The following NAALADL2 variants were observed in gnomAD, a reference collection of about 807,000 sequenced individuals.
NAALADL2 encodes inactive N-acetylated-alpha-linked acidic dipeptidase-like protein 2.
A neutral mutation model predicts 87.2 loss-of-function variants in NAALADL2; 76 were observed. The ratio of observed to expected loss-of-function variants is 0.87; its 90% CI spans 0.72 to 1.05. The LOEUF (loss-of-function observed/expected upper bound fraction) is 1.05, where lower values mean the gene tolerates loss of function less well. NAALADL2 is among the 50% of genes least tolerant of loss of function. NAALADL2 has a pLI of 0.00. For missense variants in NAALADL2, 1,089 were observed against 945.8 expected (o/e 1.15, Z -1.99); for synonymous variants, 354 against 331.0 (o/e 1.07, Z -0.75).
At chr3:174,924,201 TCCCTCCC>T (rs1735640451) in intron 1 of NAALADL2, among the ~76,000 whole-genome samples, 1 of 120,558 alleles carries the variant, frequency 8.3e-6, no homozygotes, top group African/African-American at 3.2e-5. Context: ...CCTAATGCTA[TCCCTCCC>T]CCCTCCCCCC....
At chr3:174,806,967 CA>C (rs948307122) in intron 3 of NAALADL2, among the ~76,000 whole-genome samples, 25 of 151,986 alleles carry the variant, frequency 1.6e-4, no homozygotes, top group Admixed American at 4.6e-4. Context: ...AGGGAACCAG[CA>C]AAAAGTGATT....
intron 9 of NAALADL2, among the ~76,000 whole-genome samples, chr3:175,494,335 G>A (rs998898577): frequency 6.6e-6 from 1 of 152,022 alleles, no homozygotes; most frequent in Non-Finnish European, 1.5e-5. Context: ...GCATACAGAA[G>A]CATTTCTAGC....
At chr3:174,710,965 T>G (rs1225126261) in intron 2 of NAALADL2, among the ~76,000 whole-genome samples, 2 of 152,168 alleles carry the variant, frequency 1.3e-5, no homozygotes, top group African/African-American at 2.4e-5. Context: ...TTTGTGGTAA[T>G]TTGTTATGCA....
intron 4 of NAALADL2, among the ~76,000 whole-genome samples, chr3:175,258,340 A>AG (rs1750431319): frequency 6.7e-6 from 1 of 150,074 alleles, no homozygotes; most frequent in Non-Finnish European, 1.5e-5. Context: ...AAAAAAAAAA[A>AG]AAAGAAAGAA....
At chr3:175,338,190 G>A (rs1200995318) in intron 5 of NAALADL2, among the ~76,000 whole-genome samples, 1 of 152,158 alleles carries the variant, frequency 6.6e-6, no homozygotes, top group African/African-American at 2.4e-5. Flanking sequence ...TAAAAAGAGA[G>A]AGCTGGGAGT....
At chr3:175,581,141 CTT>C in intron 10 of NAALADL2, 1 of 397,186 alleles carries the variant, frequency 2.5e-6, no homozygotes, top group Non-Finnish European at 5.2e-6. Flanking sequence ...TCAAAAATCT[CTT>C]TAAAAAAGGC....
chr3:175,781,563 A>G (rs989839439), intron 13 of NAALADL2, among the ~76,000 whole-genome samples: 5 of 151,844 alleles, frequency 3.3e-5, no homozygotes, highest in Admixed American at 6.6e-5. Context: ...TTGAATTGTT[A>G]TATTAGAGTG....
chr3:175,412,929 T>TATTATTATTA (rs1560510672), intron 5 of NAALADL2, among the ~76,000 whole-genome samples: 11 of 146,606 alleles, frequency 7.5e-5, no homozygotes, highest in South Asian at 2.2e-4. Context: ...TTATTATTAT[T>TATTATTATTA]TTTGAGACGG....
chr3:174,981,807 A>G (rs1306235852), intron 1 of NAALADL2, among the ~76,000 whole-genome samples: 1 of 152,066 alleles, frequency 6.6e-6, no homozygotes, highest in African/African-American at 2.4e-5. Flanking sequence ...GTTTCTTTCC[A>G]TACCATGCCT....
chr3:175,155,387 G>C (rs981934773), intron 2 of NAALADL2, among the ~76,000 whole-genome samples: 4 of 152,048 alleles, frequency 2.6e-5, no homozygotes, highest in African/African-American at 9.7e-5. Context: ...GTTGGCACCG[G>C]TCCTGTCAGA....
chr3:175,249,230 C>A (rs941077429), intron 3 of NAALADL2, among the ~76,000 whole-genome samples: 1 of 151,608 alleles, frequency 6.6e-6, no homozygotes, highest in Non-Finnish European at 1.5e-5. Flanking sequence ...TTATTTTCTC[C>A]CAAATTTTAT....
chr3:175,576,366 C>T lies in NAALADL2; in HGVS notation c.1800+179C>T, dbSNP rs143935991. ...GTAATAGTATTTGAAAACATCAGCT[C>T]TTTTCAATAGTATTGAATTCAATTT... On this transcript the variant is annotated intron_variant, in intron 10 of 13. Transcript: ENST00000454872. Among the ~76,000 whole-genome samples, 169 of 152,318 alleles carry T rather than the reference C, an allele frequency of 1.1e-3. 2 individuals are homozygous for T. The highest frequency in any genetic ancestry group is 4.0e-3 in the African/African-American group (165 of 41,566).
intron 2 of NAALADL2, among the ~76,000 whole-genome samples, chr3:174,676,771 G>A (rs1254575856): frequency 6.6e-6 from 1 of 151,716 alleles, no homozygotes; most frequent in Non-Finnish European, 1.5e-5. Flanking sequence ...TTTACCTCGA[G>A]TTAATAATTC....
intron 1 of NAALADL2, among the ~76,000 whole-genome samples, chr3:174,942,632 A>G (rs1486808380): frequency 6.6e-6 from 1 of 152,142 alleles, no homozygotes; most frequent in African/African-American, 2.4e-5. Flanking sequence ...TATGTTTTCC[A>G]AGTTGTTTGC....
chr3:174,961,963 C>G (rs1193998986), intron 1 of NAALADL2, among the ~76,000 whole-genome samples: 1 of 149,286 alleles, frequency 6.7e-6, no homozygotes, highest in African/African-American at 2.4e-5. Flanking sequence ...CAGGGTTGGT[C>G]TGTGTAATGT....
At chr3:175,354,728 A>C (rs1764151979) in intron 5 of NAALADL2, among the ~76,000 whole-genome samples, 1 of 151,706 alleles carries the variant, frequency 6.6e-6, no homozygotes. Flanking sequence ...ATCATAACTC[A>C]CTGTAGCCTC....
chr3:175,537,186 TA>T (rs1365124664), intron 9 of NAALADL2, among the ~76,000 whole-genome samples: 1 of 152,216 alleles, frequency 6.6e-6, no homozygotes, highest in Non-Finnish European at 1.5e-5. Flanking sequence ...GTTGGCAAAG[TA>T]AGACCAGATT....
At chr3:175,560,898 G>A (rs1378321411) in intron 9 of NAALADL2, among the ~76,000 whole-genome samples, 3 of 152,156 alleles carry the variant, frequency 2.0e-5, no homozygotes, top group Non-Finnish European at 2.9e-5. Context: ...GGGATTACAG[G>A]CGTGAACCAT....
At chr3:175,223,987 T>C (rs747382785) in intron 2 of NAALADL2, among the ~76,000 whole-genome samples, 1 of 152,138 alleles carries the variant, frequency 6.6e-6, no homozygotes, top group African/African-American at 2.4e-5. Context: ...ATGTTGAAAC[T>C]GAGGGTGGAC....
Sources: allele counts gnomAD v4.1 joint callset (sites outside exome capture counted in the v4.1 genomes callset), GRCh38; gene constraint gnomAD v4.1.1; transcripts MANE v1.5; gene names NCBI Gene and HGNC (gene_info 2026-07-23, HGNC 2026-07-21).